Variants in NPAS3 observed in about 807,000 individuals in gnomAD.
The protein encoded by NPAS3 is neuronal PAS domain protein 3.
In NPAS3, 14 loss-of-function variants were observed where a neutral mutation model predicts 73.1. The observed-to-expected ratio is 0.19, with a 90% CI of 0.13 to 0.30. The LOEUF is 0.30. NPAS3 is among the 10% of genes least tolerant of loss of function. The pLI is 1.00. For synonymous variants in NPAS3, 620 were observed against 541.5 expected (o/e 1.14, Z -2.01); for missense variants, 1,096 against 1,250.0 (o/e 0.88, Z 1.86).
chr14:33,784,737 A>ATTTTTTTTTTTTTTTTTTTTT (rs1222862652), intron 9 of NPAS3, among the ~76,000 whole-genome samples: 7 of 80,146 alleles, frequency 8.7e-5, no homozygotes, highest in African/African-American at 2.6e-4. Flanking sequence ...TTATTTATTT[A>ATTTTTTTTTTTTTTTTTTTTT]TTTATTTATT....
Position 33,076,484 on chromosome 14 carries a change from C to T in NPAS3, c.140+20490C>T, listed in dbSNP as rs570582918. Among the ~76,000 whole-genome samples, 30 of 152,254 alleles carry T rather than the reference C, an allele frequency of 2.0e-4. No individual in the cohort carries two copies. The East Asian group carries it at 5.8e-3, about 29-fold the overall frequency. On this transcript the variant is annotated intron_variant, in intron 2 of 11. Coordinates refer to ENST00000356141, the Ensembl canonical transcript of NPAS3. The stretch of plus-strand genomic sequence containing the variant: ...CAGCATAATCCTTAGAACAGCTTTC[C>T]TTCATTTCTGGAAGACATATAGATA...
chr14:33,740,992 T>C (rs2061642017), intron 7 of NPAS3, among the ~76,000 whole-genome samples: 1 of 152,126 alleles, frequency 6.6e-6, no homozygotes, highest in Non-Finnish European at 1.5e-5. Flanking sequence ...GAGTTTTAAT[T>C]ATACCAGGAA....
At chr14:33,682,574 C>G (rs2059969689) in intron 6 of NPAS3, among the ~76,000 whole-genome samples, 1 of 152,206 alleles carries the variant, frequency 6.6e-6, no homozygotes, top group African/African-American at 2.4e-5. Context: ...AAAAAGCTAC[C>G]TTGATGCAGT....
chr14:33,541,124 T>TGTGTGC (rs1566985364), intron 4 of NPAS3, among the ~76,000 whole-genome samples: 3 of 150,874 alleles, frequency 2.0e-5, no homozygotes, highest in African/African-American at 7.4e-5. Context: ...TGTGTGTGTG[T>TGTGTGC]GTGCATGCAC....
At chr14:33,664,052 C>T (rs2059385034) in intron 5 of NPAS3, among the ~76,000 whole-genome samples, 3 of 152,020 alleles carry the variant, frequency 2.0e-5, no homozygotes, top group Admixed American at 2.0e-4. Flanking sequence ...AAAGAGCCTT[C>T]ATAGCCAAGA....
In NPAS3 at chr14:33,203,772, G is replaced by A. The variant is rs184878091; in HGVS notation, c.141-11410G>A. ...AGTCTTTCCTATTGTGAATAATGCC[G>A]CAATAAACATATGTGTGCATGTGTC... On this transcript the variant is annotated intron_variant, in intron 2 of 11. Coordinates refer to ENST00000356141, the Ensembl canonical transcript of NPAS3. Among the ~76,000 whole-genome samples the A allele has an allele frequency of 2.8e-3, 428 of 152,214 alleles. 4 individuals carry two copies. The highest frequency in any genetic ancestry group is 9.5e-3 in the African/African-American group (394 of 41,528).
chr14:33,706,720 GATT>G (rs753205164), intron 6 of NPAS3, among the ~76,000 whole-genome samples: 1 of 152,188 alleles, frequency 6.6e-6, no homozygotes, highest in East Asian at 1.9e-4. Context: ...TAGGAGCGCA[GATT>G]ATTGTTCACC....
chr14:33,635,711 ACCCT>A (rs1457820617), intron 5 of NPAS3, among the ~76,000 whole-genome samples: 1 of 152,144 alleles, frequency 6.6e-6, no homozygotes, highest in Non-Finnish European at 1.5e-5. Context: ...CTACTGATGT[ACCCT>A]CCAGAAGCCC....
At chr14:33,171,897 T>A (rs2045402933) in intron 2 of NPAS3, among the ~76,000 whole-genome samples, 1 of 152,176 alleles carries the variant, frequency 6.6e-6, no homozygotes, top group Admixed American at 6.5e-5. Context: ...TTCACTTGAA[T>A]GCCTAGAAGC....
At chr14:33,716,246 A>G (rs1474164578) in intron 6 of NPAS3, among the ~76,000 whole-genome samples, 2 of 152,180 alleles carry the variant, frequency 1.3e-5, no homozygotes, top group East Asian at 1.9e-4. Context: ...TGAATGATCA[A>G]TAATTGGAAT....
chr14:33,014,121 TA>T (rs1269661991), intron 1 of NPAS3, among the ~76,000 whole-genome samples: 2 of 152,122 alleles, frequency 1.3e-5, no homozygotes, highest in African/African-American at 4.8e-5. Context: ...AAAGCATATT[TA>T]AAAAATTATT....
At chr14:33,219,797 T>TAACA (rs1251978344) in intron 3 of NPAS3, among the ~76,000 whole-genome samples, 1 of 152,224 alleles carries the variant, frequency 6.6e-6, no homozygotes, top group Non-Finnish European at 1.5e-5. Context: ...AAACTACTGT[T>TAACA]ATAATATTGT....
At chr14:33,770,681 A>G (rs1039472742) in intron 7 of NPAS3, among the ~76,000 whole-genome samples, 5 of 152,130 alleles carry the variant, frequency 3.3e-5, no homozygotes, top group African/African-American at 7.2e-5. Flanking sequence ...GGGCATATCA[A>G]TTGAGGTCAG....
chr14:32,960,255 T>C (rs906678598), intron 1 of NPAS3, among the ~76,000 whole-genome samples: 1 of 152,184 alleles, frequency 6.6e-6, no homozygotes, highest in African/African-American at 2.4e-5. Flanking sequence ...ACCAAAGTTA[T>C]GTAATGAGTT....
rs568238886 is a variant in NPAS3, at chr14:32,976,898, T to C, written c.50+37532T>C. On this transcript the variant is annotated intron_variant, in intron 1 of 11. Coordinates refer to ENST00000356141, the Ensembl canonical transcript of NPAS3. The stretch of plus-strand genomic sequence containing the variant: ...TTCAGCTGTGAATAGACTTACCTTC[T>C]AGTAACGGTGACTCAGTGGCCCAAA... Among the ~76,000 whole-genome samples the C allele has an allele frequency of 4.6e-5, 7 of 152,304 alleles. No individual in the cohort carries two copies. The East Asian group carries it at 9.6e-4, about 21-fold the overall frequency.
intron 1 of NPAS3, among the ~76,000 whole-genome samples, chr14:32,989,486 T>G (rs2038228681): frequency 6.6e-6 from 1 of 151,844 alleles, no homozygotes; most frequent in African/African-American, 2.4e-5. Context: ...CTACTAAAAA[T>G]ACAAAAAATT....
At chr14:33,498,933 AGAGTGTGTGTGTGTGTGT>A (rs1232269541) in intron 4 of NPAS3, among the ~76,000 whole-genome samples, 42 of 76,998 alleles carry the variant, frequency 5.5e-4, no homozygotes, top group African/African-American at 2.1e-3. Context: ...AGACAGAGAG[AGAGTGTGTGTGTGTGTGT>A]GTGTGTGTGT....
At position 33,800,738 on chromosome 14, in the gene NPAS3, G is replaced by A; in HGVS notation, c.2431G>A (p.Gly811Arg). Residue 811 changes from glycine to arginine, a missense_variant, in exon 12 of 12, where the codon GGG becomes AGG. Around this residue, in one of 5 missense-constraint regions of NPAS3, gnomAD observed 698 missense variants for 676.7 expected, o/e 1.03. Coordinates refer to ENST00000356141, the Ensembl canonical transcript of NPAS3. The surrounding 1 kb of genome is among the most constrained non-coding windows in gnomAD (Gnocchi z 6.5). ...GCTCCCGCTGGTGCACAGGGTGACC[G>A]GGACCCTGGCCGCCACCAGCACGGC... The A allele has an allele frequency of 2.6e-6, 4 of 1,557,832 alleles. No homozygotes were observed. Among genetic ancestry groups the A allele is most frequent in the South Asian group, 1.2e-5 (1 of 84,884 alleles).
At chr14:33,250,415 A>C (rs567745218) in intron 3 of NPAS3, among the ~76,000 whole-genome samples, 1 of 152,230 alleles carries the variant, frequency 6.6e-6, no homozygotes, top group African/African-American at 2.4e-5. Flanking sequence ...CCAGCAATAA[A>C]GTTGTAATAG....
Sources: allele counts gnomAD v4.1 joint callset (sites outside exome capture counted in the v4.1 genomes callset), GRCh38; gene constraint gnomAD v4.1.1; regional missense constraint gnomAD v4.1.1; non-coding constraint Gnocchi (gnomAD v3.1); transcripts MANE v1.5; gene names NCBI Gene and HGNC (gene_info 2026-07-23, HGNC 2026-07-21).